STARD13: variants seen among roughly 807,000 people sequenced by gnomAD.
The protein encoded by STARD13 is stAR-related lipid transfer protein 13.
STARD13 carries 62 observed loss-of-function variants against 106.4 expected under a neutral mutation model. The observed-to-expected ratio is 0.58, with a 90% CI of 0.48 to 0.72. STARD13 has a LOEUF of 0.72. STARD13 is among the 30% of genes least tolerant of loss of function. The pLI is 0.00. For synonymous variants in STARD13, 565 were observed against 553.0 expected (o/e 1.02, Z -0.31); for missense variants, 1,387 against 1,424.0 (o/e 0.97, Z 0.42).
At chr13:33,485,625 G>T in the STARD13 span, among the ~76,000 whole-genome samples, 1 of 152,242 alleles carries the variant, frequency 6.6e-6, no homozygotes, top group South Asian at 2.1e-4. Flanking sequence ...TCCTCCAGAG[G>T]GACAGAATTC....
At chr13:33,653,959 C>G in the STARD13 span, among the ~76,000 whole-genome samples, 2 of 152,048 alleles carry the variant, frequency 1.3e-5, no homozygotes, top group African/African-American at 4.8e-5. Flanking sequence ...TAAGGACATG[C>G]AAATCAAAAC....
intron 1 of STARD13, among the ~76,000 whole-genome samples, chr13:33,238,568 A>T (rs980749241): frequency 2.6e-5 from 4 of 152,100 alleles, no homozygotes; most frequent in African/African-American, 9.7e-5. Context: ...CAGGGTGTAA[A>T]TTTTTGCCAT....
At chr13:33,544,270 C>T in the STARD13 span, among the ~76,000 whole-genome samples, 2 of 152,164 alleles carry the variant, frequency 1.3e-5, no homozygotes, top group Non-Finnish European at 2.9e-5. Flanking sequence ...CCCATCCCTA[C>T]CGTGCCATTT....
intron 1 of STARD13, among the ~76,000 whole-genome samples, chr13:33,183,430 C>T (rs1885438410): frequency 6.6e-6 from 1 of 152,230 alleles, no homozygotes; most frequent in African/African-American, 2.4e-5. Flanking sequence ...GCAAAGGAAA[C>T]TTCTGCCCCC....
intron 7 of STARD13, among the ~76,000 whole-genome samples, chr13:33,122,139 C>A (rs961224423): frequency 1.3e-5 from 2 of 152,136 alleles, no homozygotes; most frequent in African/African-American, 2.4e-5. Context: ...AGCCACTGCA[C>A]CCAGCCTAAT....
At chr13:33,540,696 C>T in the STARD13 span, among the ~76,000 whole-genome samples, 1 of 152,104 alleles carries the variant, frequency 6.6e-6, no homozygotes, top group Non-Finnish European at 1.5e-5. Context: ...TGGGAATACA[C>T]AAAAATTCTT....
At chr13:33,268,716 G>GA (rs1217658504) in intron 1 of STARD13, among the ~76,000 whole-genome samples, 1 of 152,230 alleles carries the variant, frequency 6.6e-6, no homozygotes, top group African/African-American at 2.4e-5. Context: ...ACAAGTTTCA[G>GA]AAAATGTACA....
chr13:33,230,141 C>A (rs1445943694), intron 1 of STARD13, among the ~76,000 whole-genome samples: 1 of 152,214 alleles, frequency 6.6e-6, no homozygotes, highest in African/African-American at 2.4e-5. Context: ...TTGTAGCCAT[C>A]GTTCTCCAGT....
chr13:33,105,947 A>C (rs1195527505), intron 13 of STARD13, among the ~76,000 whole-genome samples: 2 of 152,224 alleles, frequency 1.3e-5, no homozygotes, highest in East Asian at 3.8e-4. Flanking sequence ...AAATGATACC[A>C]ACATCTTGGG....
At chr13:33,517,854 A>G in the STARD13 span, among the ~76,000 whole-genome samples, 273 of 152,220 alleles carry the variant, frequency 1.8e-3, no homozygotes, top group African/African-American at 6.3e-3. Flanking sequence ...TCAATCCATG[A>G]TGTATACAAA....
At chr13:33,481,027 C>G in the STARD13 span, among the ~76,000 whole-genome samples, 1 of 151,192 alleles carries the variant, frequency 6.6e-6, no homozygotes, top group Non-Finnish European at 1.5e-5. Flanking sequence ...TAAAGCATAT[C>G]AAATATGTTT....
chr13:33,368,738 G>A, the STARD13 span, among the ~76,000 whole-genome samples: 16 of 152,110 alleles, frequency 1.1e-4, no homozygotes, highest in Non-Finnish European at 2.2e-4. Flanking sequence ...GAAACAAGGT[G>A]GTGGCTGCGG....
At chr13:33,651,570 G>C in the STARD13 span, among the ~76,000 whole-genome samples, 5 of 151,532 alleles carry the variant, frequency 3.3e-5, no homozygotes, top group Non-Finnish European at 2.9e-5. Flanking sequence ...TGAGATGTTT[G>C]ATTAAGGAGA....
At chr13:33,362,777 T>G in the STARD13 span, among the ~76,000 whole-genome samples, 7 of 152,354 alleles carry the variant, frequency 4.6e-5, no homozygotes, top group Admixed American at 6.5e-5. Context: ...CCACATAATA[T>G]TTTGTGATTA....
chr13:33,648,464 G>A, the STARD13 span, among the ~76,000 whole-genome samples: 5 of 152,158 alleles, frequency 3.3e-5, no homozygotes, highest in African/African-American at 1.2e-4. Context: ...TTTTTTTCGT[G>A]TTTGGAATAC....
the STARD13 span, among the ~76,000 whole-genome samples, chr13:33,625,372 C>A: frequency 4.6e-5 from 7 of 151,936 alleles, no homozygotes; most frequent in Non-Finnish European, 1.5e-5. Context: ...GAGATTGAGA[C>A]CATCCTGGCC....
the STARD13 span, among the ~76,000 whole-genome samples, chr13:33,636,920 T>C: frequency 6.6e-6 from 1 of 152,262 alleles, no homozygotes; most frequent in Non-Finnish European, 1.5e-5. Context: ...TCTCCTGGAG[T>C]ATTATTATGT....
At chr13:33,341,737 T>C (rs2077964046) in intron 1 of STARD13, among the ~76,000 whole-genome samples, 1 of 152,072 alleles carries the variant, frequency 6.6e-6, no homozygotes, top group African/African-American at 2.4e-5. Context: ...CCCCCCAGGG[T>C]GGGCCAGCAT....
At chr13:33,382,933 A>G in the STARD13 span, among the ~76,000 whole-genome samples, 42 of 152,234 alleles carry the variant, frequency 2.8e-4, no homozygotes, top group African/African-American at 9.6e-4. Context: ...ATTCCATGAT[A>G]TCTAGCTTCC....
Sources: gnomAD v4.1 joint callset for allele counts (sites outside exome capture counted in the v4.1 genomes callset) on GRCh38, gnomAD v4.1.1 for gene constraint, MANE v1.5 for transcripts, NCBI Gene and HGNC (gene_info 2026-07-23, HGNC 2026-07-21) for gene names.